The following TRPM3 variants were observed in gnomAD, a reference collection of about 807,000 sequenced individuals.
TRPM3 encodes long transient receptor potential channel 3.
A neutral mutation model predicts 181.2 loss-of-function variants in TRPM3; 77 were observed. The observed-to-expected ratio is 0.42, with a 90% CI of 0.35 to 0.51. TRPM3 has a LOEUF of 0.51. Ranked by LOEUF, TRPM3 falls within the 20% of genes least tolerant of loss-of-function variation. The probability of loss-of-function intolerance (pLI) is 0.01; values close to 1 mark genes in which losing one functional copy is unlikely to be tolerated. For missense variants in TRPM3, 1,759 were observed against 2,196.7 expected (o/e 0.80, Z 3.98); for synonymous variants, 745 against 796.4 (o/e 0.94, Z 1.09).
intron 25 of TRPM3, among the ~76,000 whole-genome samples, chr9:70,545,705 G>T (rs1017032445): frequency 3.3e-5 from 5 of 151,910 alleles, no homozygotes; most frequent in African/African-American, 1.2e-4. Context: ...CTGCCACCAT[G>T]CCTGACTAAT....
intron 1 of TRPM3, among the ~76,000 whole-genome samples, chr9:71,114,861 C>A (rs1051982829): frequency 1.3e-5 from 2 of 152,122 alleles, no homozygotes; most frequent in Non-Finnish European, 2.9e-5. Flanking sequence ...CGTTCACAAC[C>A]ATATCTCCAT....
chr9:70,763,316 C>T (rs2078501400), intron 7 of TRPM3, among the ~76,000 whole-genome samples: 1 of 152,080 alleles, frequency 6.6e-6, no homozygotes, highest in Admixed American at 6.6e-5. Context: ...TCGAGATCAG[C>T]CTTGGCAATA....
intron 1 of TRPM3, among the ~76,000 whole-genome samples, chr9:70,915,808 T>C (rs2096588495): frequency 6.6e-6 from 1 of 151,666 alleles, no homozygotes; most frequent in South Asian, 2.1e-4. Context: ...AGAGATGGGG[T>C]AGAAAGTTTA....
chr9:70,976,340 T>A (rs1385849338), intron 1 of TRPM3, among the ~76,000 whole-genome samples: 2 of 152,166 alleles, frequency 1.3e-5, no homozygotes, highest in Non-Finnish European at 2.9e-5. Context: ...GTCACACAGC[T>A]AGTGATTTTT....
chr9:70,815,435 T>C (rs1465104577), intron 6 of TRPM3, among the ~76,000 whole-genome samples: 1 of 152,200 alleles, frequency 6.6e-6, no homozygotes, highest in Non-Finnish European at 1.5e-5. Flanking sequence ...AGCCAAATTG[T>C]CTTCCAAATA....
At chr9:70,836,674 G>T (rs1589054155) in intron 5 of TRPM3, among the ~76,000 whole-genome samples, 1 of 152,184 alleles carries the variant, frequency 6.6e-6, no homozygotes, top group East Asian at 1.9e-4. Flanking sequence ...GGTCTCCTTT[G>T]CAGGCTGCTT....
chr9:70,601,822 G>A (rs1336387381), intron 20 of TRPM3, among the ~76,000 whole-genome samples: 2 of 152,166 alleles, frequency 1.3e-5, no homozygotes, highest in Non-Finnish European at 2.9e-5. Flanking sequence ...GGTCCCTGGA[G>A]AGACTCCAAT....
intron 1 of TRPM3, among the ~76,000 whole-genome samples, chr9:71,438,336 G>A (rs1369410008): frequency 1.3e-5 from 2 of 152,130 alleles, no homozygotes; most frequent in Non-Finnish European, 2.9e-5. Flanking sequence ...GTATTAAGAA[G>A]TTTTTTTTAA....
chr9:70,980,289 C>CA (rs1804179611), intron 1 of TRPM3, among the ~76,000 whole-genome samples: 1 of 150,822 alleles, frequency 6.6e-6, no homozygotes, highest in South Asian at 2.1e-4. Context: ...CTTTGCAGGG[C>CA]AAAAAAGAAA....
intron 1 of TRPM3, among the ~76,000 whole-genome samples, chr9:71,346,860 G>C (rs945719221): frequency 2.8e-5 from 4 of 143,634 alleles, no homozygotes; most frequent in African/African-American, 5.2e-5. Flanking sequence ...TGAGGATCAC[G>C]ACAGAGAATC....
chr9:71,263,872 C>T (rs2083218224), intron 1 of TRPM3, among the ~76,000 whole-genome samples: 1 of 152,144 alleles, frequency 6.6e-6, no homozygotes, highest in Admixed American at 6.5e-5. Context: ...CTGAAACTCC[C>T]AGGCTCAAGC....
At chr9:70,845,641 A>G (rs1040143196) in intron 4 of TRPM3, among the ~76,000 whole-genome samples, 6 of 152,352 alleles carry the variant, frequency 3.9e-5, no homozygotes. Flanking sequence ...GGCTTGTAAT[A>G]AGTTTGCCTA....
intron 1 of TRPM3, among the ~76,000 whole-genome samples, chr9:71,278,944 C>G (rs2084440691): frequency 6.6e-6 from 1 of 151,000 alleles, no homozygotes; most frequent in South Asian, 2.1e-4. Context: ...GAAATGCATA[C>G]TAACACCATA....
intron 22 of TRPM3, among the ~76,000 whole-genome samples, chr9:70,575,109 A>ATTTTT (rs55876205): frequency 7.4e-5 from 10 of 134,358 alleles, no homozygotes; most frequent in East Asian, 4.4e-4. Context: ...ATCCCGCATA[A>ATTTTT]TTTTTTTTTT....
intron 1 of TRPM3, among the ~76,000 whole-genome samples, chr9:71,439,980 G>C (rs769962101): frequency 6.6e-6 from 1 of 151,874 alleles, no homozygotes; most frequent in Non-Finnish European, 1.5e-5. Flanking sequence ...AAAATTAGCC[G>C]GGCATGGTGG....
At chr9:70,872,799 C>T (rs1017799919) in intron 1 of TRPM3, among the ~76,000 whole-genome samples, 1 of 151,918 alleles carries the variant, frequency 6.6e-6, no homozygotes, top group Non-Finnish European at 1.5e-5. Flanking sequence ...ATGGTTAGCA[C>T]ATAGAGGATG....
At chr9:71,423,202 G>T (rs1403093804) in intron 1 of TRPM3, among the ~76,000 whole-genome samples, 2 of 151,980 alleles carry the variant, frequency 1.3e-5, no homozygotes, top group Non-Finnish European at 2.9e-5. Context: ...TATGTTTGTA[G>T]CAGATTTTCA....
chr9:71,232,385 C>T lies in TRPM3; in HGVS notation c.183+214268G>A, dbSNP rs192997602. On this transcript the variant is annotated intron_variant, in intron 1 of 24. Coordinates refer to the TRPM3 transcript ENST00000357533. ...CAAGACACATGCTATCAATGATCTA[C>T]CATCTAATTTCTGATCTATTCACTA... Among the ~76,000 whole-genome samples, 11 of 151,892 alleles carry T rather than the reference C, an allele frequency of 7.2e-5. No individual in the cohort carries two copies. The East Asian group carries it at 2.1e-3, about 29-fold the overall frequency.
At chr9:71,016,235 GGTGTGT>G (rs145080356) in intron 1 of TRPM3, among the ~76,000 whole-genome samples, 58 of 146,054 alleles carry the variant, frequency 4.0e-4, no homozygotes, top group Admixed American at 2.4e-3. Context: ...ATACATGTGT[GGTGTGT>G]GTGTGTGTGT....
Sources: gnomAD v4.1 joint callset for allele counts (sites outside exome capture counted in the v4.1 genomes callset) on GRCh38, gnomAD v4.1.1 for gene constraint, MANE v1.5 for transcripts, NCBI Gene and HGNC (gene_info 2026-07-23, HGNC 2026-07-21) for gene names.